AGT: variants seen among roughly 807,000 people sequenced by gnomAD.
AGT encodes the protein alpha-1 antiproteinase, antitrypsin.
Under a neutral mutation model 28.1 loss-of-function variants are expected in AGT, and 26 were observed. The ratio of observed to expected loss-of-function variants is 0.92; its 90% CI spans 0.68 to 1.28. AGT has a LOEUF of 1.28. AGT is among the 50% of genes most tolerant of loss of function. The pLI is 0.00. For missense variants in AGT, 596 were observed against 592.3 expected (o/e 1.01, Z -0.06); for synonymous variants, 259 against 259.6 (o/e 1.00, Z 0.02).
intron 2 of AGT, among the ~76,000 whole-genome samples, chr1:230,707,010 G>T (rs1663407379): frequency 6.6e-6 from 1 of 152,202 alleles, no homozygotes; most frequent in Non-Finnish European, 1.5e-5. Context: ...CGGAAACGAG[G>T]GCTCCATTCC....
chr1:230,717,616 T>C (rs1663763864), upstream of AGT, among the ~76,000 whole-genome samples: 1 of 152,156 alleles, frequency 6.6e-6, no homozygotes, highest in African/African-American at 2.4e-5. Context: ...GGAAGAGGCA[T>C]GTGAGCCCTG....
At chr1:230,725,304 T>C (rs1368462770) in intron 1 of AGT, among the ~76,000 whole-genome samples, 1 of 152,178 alleles carries the variant, frequency 6.6e-6, no homozygotes, top group African/African-American at 2.4e-5. Flanking sequence ...GATGCATCCC[T>C]AGTTCAGGGA....
chr1:230,710,909 C>T (rs1437098138), intron 1 of AGT, 56 bp from the exon 2 acceptor site: 1 of 1,577,584 alleles, frequency 6.3e-7, no homozygotes, highest in Non-Finnish European at 8.6e-7. Flanking sequence ...CTTTAAGTGC[C>T]ATCTAACCAG....
At chr1:230,741,143 A>G (rs1197057760) in intron 1 of AGT, among the ~76,000 whole-genome samples, 2 of 152,210 alleles carry the variant, frequency 1.3e-5, no homozygotes, top group Admixed American at 1.3e-4. Context: ...GCAGACAGGT[A>G]TATTTATCAT....
chr1:230,718,155 G>A (rs1663775207), upstream of AGT, among the ~76,000 whole-genome samples: 1 of 151,918 alleles, frequency 6.6e-6, no homozygotes, highest in African/African-American at 2.4e-5. Context: ...ATGTTGCCCA[G>A]GCTGATCTTG....
intron 1 of AGT, among the ~76,000 whole-genome samples, chr1:230,723,120 T>C (rs1460501720): frequency 1.3e-5 from 2 of 152,136 alleles, no homozygotes; most frequent in African/African-American, 4.8e-5. Context: ...TGAGATCTGA[T>C]GGCTTTATAA....
intron 1 of AGT, among the ~76,000 whole-genome samples, chr1:230,742,121 G>A (rs1373880152): frequency 6.6e-6 from 1 of 151,894 alleles, no homozygotes; most frequent in Admixed American, 6.6e-5. Flanking sequence ...AAATATAAAA[G>A]GCATATAGAA....
intron 1 of AGT, among the ~76,000 whole-genome samples, chr1:230,740,830 T>C (rs966383948): frequency 6.6e-5 from 10 of 152,170 alleles, no homozygotes; most frequent in African/African-American, 2.4e-4. Flanking sequence ...ACGCCTGTAG[T>C]CCTAGCTACT....
Position 230,710,560 on chromosome 1 carries a change from G to A in AGT, c.264C>T (p.Thr88=), listed in dbSNP as rs11557884. Residue 88 remains threonine, a synonymous_variant, in exon 2 of 5, where the codon ACC becomes ACT. Transcript: ENST00000366667. ...QLVLVAAKLD[T]EDKLRAAMVG... ...CCATTGCGGCCCTCAACTTGTCTTC[G>A]GTGTCAAGTTTTGCAGCGACTAGCA... is the stretch of plus-strand genomic sequence containing the variant. 3.1e-5 allele frequency: 50 copies of A among 1,614,234 alleles called. No homozygotes were observed. The highest frequency in any genetic ancestry group is 8.9e-5 in the East Asian group (4 of 44,886).
At chr1:230,742,210 G>A (rs1664259989) in intron 1 of AGT, among the ~76,000 whole-genome samples, 1 of 152,058 alleles carries the variant, frequency 6.6e-6, no homozygotes, top group Non-Finnish European at 1.5e-5. Context: ...GTAGATCTTT[G>A]TGTAGTTTCC....
At position 230,710,673 on chromosome 1, in the gene AGT, C is replaced by A; in HGVS notation, c.151G>T (p.Gly51Trp). ...ATGAAGGTGGGGTCTTTGGGCTTCC[C>A]GGCATTGGCCTTTGCCAGCTGCTCA... ...TCEQLAKANA[G>W]KPKDPTFIPA... The change falls in exon 2 of 5, where the codon GGG becomes TGG. Residue 51 changes from glycine to tryptophan, a missense_variant. Physicochemically the swap from Gly to Trp is radical, Grantham distance 184. Transcript: ENST00000366667. 1 of 1,614,218 alleles carries A rather than the reference C, an allele frequency of 6.2e-7. No individual in the cohort carries two copies. Among genetic ancestry groups the A allele is most frequent in the Non-Finnish European group, 8.5e-7 (1 of 1,180,038 alleles).
At chr1:230,730,489 C>G (rs182487859) in intron 1 of AGT, among the ~76,000 whole-genome samples, 2 of 152,084 alleles carry the variant, frequency 1.3e-5, no homozygotes. Flanking sequence ...GCTTGAGGCT[C>G]GCTTTGGGTT....
In AGT at chr1:230,703,078, G is replaced by A. The variant is rs1663276542; in HGVS notation, c.*63C>T. The A allele has an allele frequency of 6.4e-7, 1 of 1,566,008 alleles. No homozygotes were observed. Among genetic ancestry groups the A allele is most frequent in the Non-Finnish European group, 8.8e-7 (1 of 1,140,650 alleles). On this transcript the variant is annotated 3_prime_UTR_variant, in exon 5 of 5. Transcript: ENST00000366667. ...TTGTCCGGGGTTGTTATCTGCTGCT[G>A]GCCTTTGCCTCAAAGGCCAGGGGCA...
chr1:230,730,068 CT>C (rs1664023772), intron 1 of AGT, among the ~76,000 whole-genome samples: 2 of 151,990 alleles, frequency 1.3e-5, no homozygotes, highest in Non-Finnish European at 2.9e-5. Context: ...GGCTCCTGAC[CT>C]TGTGATCCGC....
At chr1:230,704,792 A>G (rs1367485959) in intron 3 of AGT, among the ~76,000 whole-genome samples, 3 of 152,162 alleles carry the variant, frequency 2.0e-5, no homozygotes, top group Non-Finnish European at 2.9e-5. Context: ...AACTCGATTG[A>G]TCTTCGTATA....
chr1:230,702,945 T>G lies in AGT; in HGVS notation c.*196A>C, dbSNP rs1179517895. On this transcript the variant is annotated 3_prime_UTR_variant, in exon 5 of 5. Transcript: ENST00000366667. The stretch of plus-strand genomic sequence containing the variant: ...CATTTGTGCCGCTGCAGGCTTCTAC[T>G]GCTCACTCCATGCAGCACACTTAGA... The G allele has an allele frequency of 8.0e-6, 5 of 625,522 alleles. No individual in the cohort carries two copies. The highest frequency in any genetic ancestry group is 3.0e-5 in the Admixed American group (1 of 33,848). The allele number at this position is 625,522 out of a possible 1,614,324, so 38.7% of individuals were successfully genotyped here.
At chr1:230,737,465 C>A (rs1371303200) in intron 1 of AGT, among the ~76,000 whole-genome samples, 1 of 152,068 alleles carries the variant, frequency 6.6e-6, no homozygotes, top group African/African-American at 2.4e-5. Context: ...GTGCCCACCA[C>A]CACACCTGGC....
At chr1:230,719,789 C>T (rs972360676) in intron 1 of AGT, among the ~76,000 whole-genome samples, 2 of 152,100 alleles carry the variant, frequency 1.3e-5, no homozygotes, top group African/African-American at 4.8e-5. Context: ...AGAAATGAGT[C>T]GTTTACCTCT....
At position 230,710,087 on chromosome 1, in the gene AGT, A is replaced by T; in HGVS notation, c.737T>A (p.Met246Lys). ...AGTCTTCCATCCTGTCACAGCCTGCATGAACCTGTCAATCTTCTCAGCAGC... is the reference window on the plus strand; with the variant it reads ...AGTCTTCCATCCTGTCACAGCCTGCTTGAACCTGTCAATCTTCTCAGCAGC... Reference protein sequence around the residue: ...DVAAEKIDRFMQAVTGWKTGC... With the variant: ...DVAAEKIDRFKQAVTGWKTGC... The change falls in exon 2 of 5, where the codon ATG becomes AAG. Residue 246 changes from methionine (M) to lysine (K), a missense_variant. Transcript: ENST00000366667. 1 of 1,614,208 alleles carries T rather than the reference A, an allele frequency of 6.2e-7. No individual in the cohort carries two copies. The highest frequency in any genetic ancestry group is 8.5e-7 in the Non-Finnish European group (1 of 1,180,042).
Sources: allele counts gnomAD v4.1 joint callset (sites outside exome capture counted in the v4.1 genomes callset), GRCh38; gene constraint gnomAD v4.1.1; transcripts MANE v1.5; gene names NCBI Gene and HGNC (gene_info 2026-07-23, HGNC 2026-07-21).